Variants in LRBA observed in about 807,000 individuals in gnomAD.
LRBA encodes the protein lipopolysaccharide-responsive and beige-like anchor protein.
Under a neutral mutation model 330.0 loss-of-function variants are expected in LRBA, and 176 were observed. The ratio of observed to expected loss-of-function variants is 0.53; its 90% confidence interval spans 0.47 to 0.60. The LOEUF (loss-of-function observed/expected upper bound fraction) is 0.60. Among genes scored for constraint, LRBA ranks in the 20% least tolerant of loss-of-function variants. The probability of loss-of-function intolerance (pLI) is 0.00; values close to 1 mark genes in which losing one functional copy is unlikely to be tolerated. For missense variants in LRBA, 3,259 were observed against 3,444.8 expected (o/e 0.95, Z 1.35); for synonymous variants, 1,230 against 1,193.0 (o/e 1.03, Z -0.64).
intron 2 of LRBA, chr4:150,970,584 CACA>C (rs1271961467): frequency 6.9e-5 from 9 of 130,208 alleles, no homozygotes; most frequent in African/African-American, 2.5e-4. Flanking sequence ...CACACACACA[CACA>C]AAAGTATACT....
Position 150,265,546 on chromosome 4 carries a change from C to T in LRBA, c.*176G>A, listed in dbSNP as rs1045596622. Reference sequence around the variant, plus strand: ...ACCCAGCAGCCAGTTTTCTGCTTTGCTAATCCCCCCCAAAAAAGTCAAGCA... The same window carrying T: ...ACCCAGCAGCCAGTTTTCTGCTTTGTTAATCCCCCCCAAAAAAGTCAAGCA... On this transcript the variant is annotated 3_prime_UTR_variant, in exon 57 of 57. Transcript: ENST00000651943. 1.1e-5 allele frequency: 6 copies of T among 530,390 alleles called. No individual in the cohort carries two copies. The highest frequency in any genetic ancestry group is 5.0e-4 in the Middle Eastern group (1 of 1,990). 32.9% of individuals were successfully genotyped at this position (530,390 alleles called of 1,614,324 possible).
intron 40 of LRBA, among the ~76,000 whole-genome samples, chr4:150,496,227 T>C (rs1483975779): frequency 2.0e-5 from 3 of 152,116 alleles, no homozygotes; most frequent in Non-Finnish European, 2.9e-5. Flanking sequence ...CATAAGAAAA[T>C]TGCTTCACTT....
At chr4:151,007,343 A>G (rs896245776) in intron 2 of LRBA, among the ~76,000 whole-genome samples, 1 of 151,586 alleles carries the variant, frequency 6.6e-6, no homozygotes, top group Non-Finnish European at 1.5e-5. Context: ...CTACTAAAAA[A>G]TACAAAATAA....
At chr4:150,677,561 A>C (rs902491595) in intron 37 of LRBA, among the ~76,000 whole-genome samples, 1 of 152,216 alleles carries the variant, frequency 6.6e-6, no homozygotes, top group Non-Finnish European at 1.5e-5. Flanking sequence ...AATTATAAAA[A>C]GCACATATTC....
At chr4:150,795,576 T>C (rs935957014) in intron 34 of LRBA, among the ~76,000 whole-genome samples, 16 of 152,030 alleles carry the variant, frequency 1.1e-4, no homozygotes, top group African/African-American at 3.6e-4. Flanking sequence ...AAAAATATAA[T>C]GCTGAGTATT....
chr4:150,868,060 C>T, intron 21 of LRBA, 122 bp downstream of exon 21: 2 of 1,093,950 alleles, frequency 1.8e-6, no homozygotes, highest in Non-Finnish European at 2.6e-6. Flanking sequence ...TTTACATACT[C>T]TTAATAAAAA....
intron 40 of LRBA, among the ~76,000 whole-genome samples, chr4:150,547,923 T>A (rs888070748): frequency 6.6e-6 from 1 of 152,186 alleles, no homozygotes; most frequent in Non-Finnish European, 1.5e-5. Flanking sequence ...TTTTTCGCTT[T>A]ATAAATGACT....
intron 40 of LRBA, among the ~76,000 whole-genome samples, chr4:150,503,699 A>G (rs756468332): frequency 5.9e-5 from 9 of 152,234 alleles, no homozygotes; most frequent in Non-Finnish European, 8.8e-5. Flanking sequence ...CCTCCTCCAT[A>G]GGAACGCAGC....
intron 40 of LRBA, among the ~76,000 whole-genome samples, chr4:150,563,407 T>A (rs1014191342): frequency 1.4e-4 from 22 of 152,150 alleles, no homozygotes; most frequent in African/African-American, 5.3e-4. Context: ...CATCTCAAAA[T>A]AATAAAAGCT....
At chr4:150,769,189 C>A (rs981374757) in intron 34 of LRBA, among the ~76,000 whole-genome samples, 4 of 151,982 alleles carry the variant, frequency 2.6e-5, no homozygotes, top group African/African-American at 9.7e-5. Flanking sequence ...AAGTAATCCA[C>A]CCGCCTCGGC....
At chr4:150,960,714 AT>A (rs1353904258) in intron 2 of LRBA, among the ~76,000 whole-genome samples, 2 of 148,976 alleles carry the variant, frequency 1.3e-5, no homozygotes, top group Admixed American at 6.6e-5. Context: ...CTTTAGTTTT[AT>A]ATTTGTTTTG....
chr4:150,346,761 A>C (rs1736385300), intron 48 of LRBA, among the ~76,000 whole-genome samples: 1 of 35,566 alleles, frequency 2.8e-5, no homozygotes. Flanking sequence ...CTGTCTCAAA[A>C]AAAAAAAAAA....
intron 40 of LRBA, among the ~76,000 whole-genome samples, chr4:150,570,917 T>C (rs1170075044): frequency 1.3e-5 from 2 of 152,180 alleles, no homozygotes; most frequent in African/African-American, 4.8e-5. Context: ...TCAAATTGAC[T>C]GTATTAAAAA....
intron 9 of LRBA, among the ~76,000 whole-genome samples, chr4:150,913,467 CA>C (rs946789906): frequency 6.6e-6 from 1 of 151,456 alleles, no homozygotes; most frequent in South Asian, 2.1e-4. Flanking sequence ...AACTCCACCT[CA>C]AAAAAAAGAA....
At chr4:150,887,470 C>T (rs1053294238) in intron 17 of LRBA, among the ~76,000 whole-genome samples, 7 of 151,956 alleles carry the variant, frequency 4.6e-5, no homozygotes, top group African/African-American at 1.5e-4. Context: ...AAATAAGAAC[C>T]GGCCGGGAGC....
intron 36 of LRBA, among the ~76,000 whole-genome samples, chr4:150,724,354 A>G (rs1177122056): frequency 6.6e-6 from 1 of 152,202 alleles, no homozygotes; most frequent in Non-Finnish European, 1.5e-5. Flanking sequence ...CATCTTATCT[A>G]AGACCACCAA....
At chr4:150,514,622 T>C (rs987079269) in intron 40 of LRBA, among the ~76,000 whole-genome samples, 1 of 152,054 alleles carries the variant, frequency 6.6e-6, no homozygotes, top group African/African-American at 2.4e-5. Context: ...CCTTCTGTGG[T>C]CTCCCTTGTA....
At chr4:150,842,612 T>C (rs775104207) in intron 28 of LRBA, among the ~76,000 whole-genome samples, 3 of 152,196 alleles carry the variant, frequency 2.0e-5, no homozygotes, top group Non-Finnish European at 4.4e-5. Flanking sequence ...GAAAAAAAGT[T>C]GATGGCTTCT....
intron 37 of LRBA, among the ~76,000 whole-genome samples, chr4:150,638,312 C>T (rs1420387039): frequency 6.6e-6 from 1 of 152,196 alleles, no homozygotes. Context: ...CAGGCGTAAG[C>T]CACCACGCCC....
Sources: gnomAD v4.1 joint callset for allele counts (sites outside exome capture counted in the v4.1 genomes callset) on GRCh38, gnomAD v4.1.1 for gene constraint, MANE v1.5 for transcripts, NCBI Gene and HGNC (gene_info 2026-07-23, HGNC 2026-07-21) for gene names.